Variants in COLGALT2 observed in about 807,000 individuals in gnomAD.
The protein encoded by COLGALT2 is procollagen galactosyltransferase 2.
Under a neutral mutation model 73.4 loss-of-function variants are expected in COLGALT2, and 49 were observed. The observed-to-expected ratio is 0.67, with a 90% CI of 0.53 to 0.85. The LOEUF (loss-of-function observed/expected upper bound fraction) is 0.85. COLGALT2 is among the 40% of genes least tolerant of loss of function. The probability of loss-of-function intolerance (pLI) is 0.00; values close to 1 mark genes in which losing one functional copy is unlikely to be tolerated. For missense variants in COLGALT2, 722 were observed against 790.2 expected, an observed-to-expected ratio of 0.91 and a Z score of 1.03; for synonymous variants, 295 against 307.6, an observed-to-expected ratio of 0.96 and a Z score of 0.43.
chr1:183,983,462 T>G (rs1671407043), intron 1 of COLGALT2, among the ~76,000 whole-genome samples: 1 of 152,168 alleles, frequency 6.6e-6, no homozygotes, highest in Non-Finnish European at 1.5e-5. Flanking sequence ...GAATGCATAA[T>G]AATGAAAGCA....
rs775664507 is a variant in COLGALT2 at position 183,945,419 on chromosome 1, A to G, written c.1269+13T>C. ...TCATCATAAAACTGCAATCTGAATA[A>G]AGCATTATTTACCTCTTTCCAGACT... On this transcript the variant is annotated intron_variant, in intron 9 of 11. Coordinates refer to ENST00000361927, the MANE Select transcript of COLGALT2 (RefSeq NM_015101.4). The G allele has an allele frequency of 3.4e-5, 55 of 1,612,972 alleles. No homozygotes were observed. The highest frequency in any genetic ancestry group is 1.4e-5 in the Non-Finnish European group (16 of 1,179,778).
chr1:183,948,722 T>C (rs1572632170), intron 8 of COLGALT2, among the ~76,000 whole-genome samples: 3 of 152,168 alleles, frequency 2.0e-5, no homozygotes, highest in Admixed American at 2.0e-4. Flanking sequence ...CCAGCAAGGG[T>C]AGTTGGACAT....
intron 1 of COLGALT2, among the ~76,000 whole-genome samples, chr1:183,988,997 T>A (rs1004373961): frequency 6.6e-6 from 1 of 152,212 alleles, no homozygotes; most frequent in African/African-American, 2.4e-5. Context: ...TTCCTTTAAG[T>A]ATTATTATCC....
At chr1:183,945,875 C>T in intron 8 of COLGALT2, 1 of 303,168 alleles carries the variant, frequency 3.3e-6, no homozygotes, top group Non-Finnish European at 6.1e-6. Flanking sequence ...CTGCAATAAT[C>T]CAAGGAGTGT....
rs935171882 is a variant in COLGALT2, at chr1:183,993,048, G to C, written c.264-14528C>G. On this transcript the variant is annotated intron_variant, in intron 1 of 11. Transcript: ENST00000361927. ...TAAAGGGTTGCTAAATGAATAACTA[G>C]ATGCAAAAATGCCATCCTCACTTTT... 3.9e-5 allele frequency among the ~76,000 whole-genome samples: 6 copies of C among 152,256 alleles called. No individual in the cohort carries two copies. In the South Asian group the frequency reaches 8.3e-4, roughly 21 times the overall value.
chr1:183,975,029 G>A, intron 3 of COLGALT2, 68 bp downstream of exon 3: 3 of 1,145,040 alleles, frequency 2.6e-6, no homozygotes, highest in Non-Finnish European at 3.9e-6. Context: ...CATGGTTCTA[G>A]TTTTTGGACG....
chr1:183,940,617 T>A lies in COLGALT2; in HGVS notation c.1568A>T (p.Asp523Val). ...ANPFGKMLPV[D>V]EFLPVMYNKH... ...GTTGTACATGACTGGCAGAAACTCA[T>A]CCACTGGCAGCATCTTCCCAAAAGG... The change falls in exon 11 of 12, where the codon GAT (aspartate) becomes GTT (valine). Residue 523 changes from aspartate to valine, a missense_variant. By Grantham distance (152) the Asp-to-Val change is radical. Transcript: ENST00000361927. 1 of 1,614,188 alleles carries A rather than the reference T, an allele frequency of 6.2e-7. No homozygotes were observed. Among genetic ancestry groups the A allele is most frequent in the Non-Finnish European group, 8.5e-7 (1 of 1,180,034 alleles).
Position 183,951,007 on chromosome 1 carries a change from T to C in COLGALT2, c.1136A>G (p.Lys379Arg), listed in dbSNP as rs759360789. The change falls in exon 8 of 12, where the codon AAG becomes AGG. Residue 379 changes from lysine (K) to arginine (R), a missense_variant and splice_region_variant. Lys to Arg is a conservative substitution (Grantham distance 26). Transcript: ENST00000361927. Reference protein sequence around the residue: ...EVKIVEAVDGKALNTSQLKAL... With the variant: ...EVKIVEAVDGRALNTSQLKAL... ...CAATGGGAGAAGAAACCCAACTCACTTTCCATCCACAGCCTCGACAATCTT... is the reference window on the plus strand; with the variant it reads ...CAATGGGAGAAGAAACCCAACTCACCTTCCATCCACAGCCTCGACAATCTT... 6.2e-7 allele frequency: 1 copy of C among 1,610,848 alleles called. No homozygotes were observed. Among genetic ancestry groups the C allele is most frequent in the South Asian group, 1.1e-5 (1 of 90,918 alleles).
chr1:183,936,867 G>A lies in COLGALT2; in HGVS notation c.*1894C>T, dbSNP rs1558305681. On this transcript the variant is annotated 3_prime_UTR_variant, in exon 12 of 12. Coordinates refer to ENST00000361927, the MANE Select transcript of COLGALT2 (RefSeq NM_015101.4). ...GTCAGTGTAGAAGGGTACCCACAGTGAGTCGGGAAGGAAGGCCGAGGCTGG... is the reference window on the plus strand; with the variant it reads ...GTCAGTGTAGAAGGGTACCCACAGTAAGTCGGGAAGGAAGGCCGAGGCTGG... The A allele has an allele frequency of 8.1e-7, 1 of 1,231,774 alleles. No homozygotes were observed. The highest frequency in any genetic ancestry group is 1.5e-5 in the African/African-American group (1 of 64,522). 76.3% of individuals were successfully genotyped at this position (1,231,774 alleles called of 1,614,324 possible). A position where few individuals can be genotyped will look rare whatever the true frequency, so the allele number is the denominator to read the frequency against.
chr1:184,035,021 G>T (rs1331415200), intron 1 of COLGALT2, among the ~76,000 whole-genome samples: 1 of 152,172 alleles, frequency 6.6e-6, no homozygotes, highest in Non-Finnish European at 1.5e-5. Context: ...TTTCAAAGAA[G>T]AGTCTTCAAT....
chr1:183,986,428 C>T (rs1340354155), intron 1 of COLGALT2, among the ~76,000 whole-genome samples: 1 of 152,088 alleles, frequency 6.6e-6, no homozygotes, highest in Admixed American at 6.5e-5. Context: ...ATCCCAGAAA[C>T]AATCATAGAC....
In COLGALT2 at chr1:183,962,220, C is replaced by A. The variant is rs996166974; in HGVS notation, c.952+1681G>T. On this transcript the variant is annotated intron_variant, in intron 6 of 11. Coordinates refer to ENST00000361927, the MANE Select transcript of COLGALT2 (RefSeq NM_015101.4). ...TGTCACTCAGGCTGGAGTGCAATGG[C>A]GCGATCTTGGCTCACTGCAACCTCT... Among the ~76,000 whole-genome samples the A allele has an allele frequency of 4.8e-5, 6 of 125,310 alleles. No homozygotes were observed. The South Asian group carries it at 1.3e-3, about 28-fold the overall frequency. The allele number at this position is 125,310 out of a possible 152,430, so 82.2% of individuals were successfully genotyped here.
chr1:183,998,497 T>A (rs1389067592), intron 1 of COLGALT2, among the ~76,000 whole-genome samples: 1 of 152,208 alleles, frequency 6.6e-6, no homozygotes, highest in African/African-American at 2.4e-5. Flanking sequence ...ATTTTTAGGA[T>A]GTCTTTTGAT....
At chr1:183,986,303 C>CAG (rs1315205616) in intron 1 of COLGALT2, among the ~76,000 whole-genome samples, 1 of 152,300 alleles carries the variant, frequency 6.6e-6, no homozygotes, top group East Asian at 1.9e-4. Flanking sequence ...CACTTAGTTG[C>CAG]AATTCTTCCC....
chr1:183,960,134 ATCTCT>A (rs1670658795), intron 6 of COLGALT2, among the ~76,000 whole-genome samples: 1 of 152,178 alleles, frequency 6.6e-6, no homozygotes, highest in South Asian at 2.1e-4. Context: ...CAGCCTGATT[ATCTCT>A]TCTAACACCT....
chr1:183,974,567 G>A (rs775838010), intron 3 of COLGALT2, among the ~76,000 whole-genome samples: 12 of 152,184 alleles, frequency 7.9e-5, no homozygotes, highest in African/African-American at 2.4e-4. Flanking sequence ...ACAAGTGTGC[G>A]TGATACATTT....
intron 8 of COLGALT2, chr1:183,945,796 T>G (rs532673199): frequency 3.6e-6 from 2 of 548,428 alleles, no homozygotes; most frequent in African/African-American, 3.8e-5. Flanking sequence ...GTGCCCAACA[T>G]AGTTCTAAGC....
chr1:183,948,463 G>A (rs997136614), intron 8 of COLGALT2, among the ~76,000 whole-genome samples: 11 of 152,060 alleles, frequency 7.2e-5, no homozygotes, highest in African/African-American at 2.7e-4. Flanking sequence ...ATATTAACAG[G>A]CAAAAGTCAC....
chr1:183,975,121 C>T lies in COLGALT2; in HGVS notation c.468G>A (p.Arg156=), dbSNP rs1291997459. ...CCAGAATGTAGTCTGACCATTTTTC[C>T]CTCGCAGTTCGAAGGGCTGCCTGTC... ...KLRQAALRTA[R]EKWSDYILFI... is the part of the protein sequence containing the mutation. Residue 156 remains arginine (R), a synonymous_variant, in exon 3 of 12, where the codon AGG becomes AGA. Coordinates refer to ENST00000361927, the MANE Select transcript of COLGALT2 (RefSeq NM_015101.4). 3.1e-6 allele frequency: 5 copies of T among 1,613,384 alleles called. No individual in the cohort carries two copies. Among genetic ancestry groups the T allele is most frequent in the Non-Finnish European group, 3.4e-6 (4 of 1,179,630 alleles).
Sources: allele counts gnomAD v4.1 joint callset (sites outside exome capture counted in the v4.1 genomes callset), GRCh38; gene constraint gnomAD v4.1.1; transcripts MANE v1.5; gene names NCBI Gene and HGNC (gene_info 2026-07-23, HGNC 2026-07-21).